MYCBP2: variants seen among roughly 807,000 people sequenced by gnomAD.
MYCBP2 encodes E3 ubiquitin-protein ligase MYCBP2.
A neutral mutation model predicts 525.3 loss-of-function variants in MYCBP2; 120 were observed. The observed-to-expected ratio is 0.23, with a 90% confidence interval of 0.20 to 0.27. The LOEUF is 0.27. Ranked by LOEUF, MYCBP2 falls within the 10% of genes least tolerant of loss-of-function variation. The pLI is 1.00. For missense variants in MYCBP2, 4,149 were observed against 5,657.1 expected, an observed-to-expected ratio of 0.73 and a Z score of 8.55; for synonymous variants, 1,894 against 1,955.8, an observed-to-expected ratio of 0.97 and a Z score of 0.83.
intron 26 of MYCBP2, among the ~76,000 whole-genome samples, chr13:77,203,529 G>A (rs1302244908): frequency 6.6e-6 from 1 of 151,854 alleles, no homozygotes; most frequent in Non-Finnish European, 1.5e-5. Context: ...TTTCTTCACA[G>A]AATTGGAAAA....
intron 18 of MYCBP2, 137 bp from the exon 19 acceptor site, chr13:77,225,691 G>T: frequency 9.2e-7 from 1 of 1,090,288 alleles, no homozygotes; most frequent in Non-Finnish European, 1.3e-6. Context: ...GCTGTTAGAA[G>T]TGATAGATCA....
At chr13:77,158,915 G>C (rs1210928111) in intron 44 of MYCBP2, among the ~76,000 whole-genome samples, 1 of 152,192 alleles carries the variant, frequency 6.6e-6, no homozygotes, top group Non-Finnish European at 1.5e-5. Flanking sequence ...AAGTTAAGAA[G>C]AAGAGGCAGA....
intron 32 of MYCBP2, among the ~76,000 whole-genome samples, chr13:77,182,830 G>A (rs2060338310): frequency 6.6e-6 from 1 of 152,194 alleles, no homozygotes; most frequent in African/African-American, 2.4e-5. Context: ...GATACCACGT[G>A]TCTTGTTTCC....
chr13:77,273,861 C>T (rs2075198838), intron 4 of MYCBP2, among the ~76,000 whole-genome samples, 193 bp from the exon 5 acceptor site: 2 of 152,112 alleles, frequency 1.3e-5, no homozygotes, highest in South Asian at 4.1e-4. Context: ...TCTTAAAGAA[C>T]ATTCAGTTCA....
intron 52 of MYCBP2, among the ~76,000 whole-genome samples, chr13:77,127,963 A>T (rs1423745848): frequency 6.6e-6 from 1 of 151,926 alleles, no homozygotes; most frequent in Non-Finnish European, 1.5e-5. Context: ...ATTTACTGTA[A>T]TTATATTTTA....
intron 20 of MYCBP2, among the ~76,000 whole-genome samples, chr13:77,221,161 A>T (rs996302420): frequency 2.0e-5 from 3 of 152,106 alleles, no homozygotes; most frequent in African/African-American, 7.2e-5. Context: ...AATCTTCATA[A>T]GAAACCCTGA....
Position 77,270,371 on chromosome 13 carries a change from A to G in MYCBP2, c.1113T>C (p.Asn371=). The G allele has an allele frequency of 6.2e-7, 1 of 1,613,718 alleles. No homozygotes were observed. The highest frequency in any genetic ancestry group is 8.5e-7 in the Non-Finnish European group (1 of 1,179,808). The change falls in exon 6 of 83, where the codon AAT becomes AAC. Residue 371 remains asparagine, a synonymous_variant. Coordinates refer to ENST00000544440, the MANE Select transcript of MYCBP2 (RefSeq NM_015057.5). The part of the protein sequence containing the change: ...VDEDDQCLLQ[N]DGFFLYLLCK... ...ATAATAGATAAAGAAAAAATCCATC[A>G]TTCTGAAGTAGACATTGGTCATCTT...
At position 77,058,034 on chromosome 13, in the gene MYCBP2, G is replaced by A. The variant is rs1046956983; in HGVS notation, c.13329+184C>T. Among the ~76,000 whole-genome samples, 5 of 151,982 alleles carry A rather than the reference G, an allele frequency of 3.3e-5. No homozygotes were observed. Among genetic ancestry groups the A allele is most frequent in the East Asian group, 1.9e-4 (1 of 5,184 alleles). The stretch of plus-strand genomic sequence containing the variant: ...TTTGTATTTTTGTAGTAGAGACGGG[G>A]TCTCACTGTGTTAGCCAGGATGGTC... On this transcript the variant is annotated intron_variant, in intron 78 of 82. Transcript: ENST00000544440. The surrounding 1 kb of genome is among the most constrained non-coding windows in gnomAD (Gnocchi z 4.1).
intron 71 of MYCBP2, 27 bp downstream of exon 71, chr13:77,067,554 G>A (rs1226789679): frequency 6.2e-7 from 1 of 1,605,406 alleles, no homozygotes; most frequent in South Asian, 1.1e-5. Flanking sequence ...ATTCTGTTTT[G>A]GTACTAAAAT....
intron 15 of MYCBP2, among the ~76,000 whole-genome samples, chr13:77,246,506 AAGGAGAAGG>A (rs1169274452): frequency 8.6e-5 from 13 of 151,396 alleles, no homozygotes; most frequent in African/African-American, 2.2e-4. Context: ...GAAGGAAAAG[AAGGAGAAGG>A]AGGAGAAGGA....
chr13:77,050,998 T>G lies in MYCBP2; in HGVS notation c.13920A>C (p.Ala4640=), dbSNP rs755696790. ...IPKEELPHCP[A]GPKGKQLEGT... is the part of the protein sequence containing the mutation. ...GATTTTAAAATATTAAAAGCATACCTGCAGGACAGTGTGGTAGTTCTTCCT... is the reference window on the plus strand; with the variant it reads ...GATTTTAAAATATTAAAAGCATACCGGCAGGACAGTGTGGTAGTTCTTCCT... Residue 4640 remains alanine (A), a splice_region_variant and synonymous_variant, in exon 82 of 83, where the codon GCA becomes GCC. Transcript: ENST00000544440. 8 of 1,609,798 alleles carry G rather than the reference T, an allele frequency of 5.0e-6. No homozygotes were observed. The Admixed American group carries it at 1.4e-4, about 27-fold the overall frequency.
chr13:77,106,470 T>C (rs2047869056), intron 55 of MYCBP2, among the ~76,000 whole-genome samples: 1 of 152,140 alleles, frequency 6.6e-6, no homozygotes, highest in East Asian at 1.9e-4. Flanking sequence ...TTCAGGAGGC[T>C]AGGCGTCTAA....
chr13:77,319,230 G>A (rs987417934), intron 1 of MYCBP2, among the ~76,000 whole-genome samples: 4 of 152,140 alleles, frequency 2.6e-5, no homozygotes, highest in African/African-American at 9.7e-5. Context: ...GTAGGCGAGA[G>A]AGGAGGAGCT....
chr13:77,103,441 T>C (rs2047379660), intron 55 of MYCBP2: 1 of 390,702 alleles, frequency 2.6e-6, no homozygotes, highest in East Asian at 3.6e-5. Context: ...TAGTTTATAT[T>C]CTGCTATATT....
Position 77,177,663 on chromosome 13 carries a change from G to C in MYCBP2, c.5340+85C>G, listed in dbSNP as rs190779751. The C allele has an allele frequency of 1.3e-4, 150 of 1,123,422 alleles. No homozygotes were observed. The East Asian group carries it at 3.8e-3, about 28-fold the overall frequency. 69.6% of individuals were successfully genotyped at this position (1,123,422 alleles called of 1,614,324 possible). ...GTGTCATTCATCAGTGATTGATCTA[G>C]TAAACCCCTGAACATACTATGACAA... On this transcript the variant is annotated intron_variant, in intron 35 of 82. Coordinates refer to ENST00000544440, the MANE Select transcript of MYCBP2 (RefSeq NM_015057.5).
In MYCBP2 at chr13:77,045,092, T is replaced by C. The variant is rs2154041135; in HGVS notation, c.*286A>G. 4.7e-6 allele frequency: 2 copies of C among 422,870 alleles called. No individual in the cohort carries two copies. Among genetic ancestry groups the C allele is most frequent in the Admixed American group, 4.0e-5 (1 of 25,038 alleles). 26.2% of individuals were successfully genotyped at this position (422,870 alleles called of 1,614,324 possible). ...TGGCGATTCTTTTATATCAATTATCTATAAATGTCCAATGCTTCACAGGCC... is the reference window on the plus strand; with the variant it reads ...TGGCGATTCTTTTATATCAATTATCCATAAATGTCCAATGCTTCACAGGCC... On this transcript the variant is annotated 3_prime_UTR_variant, in exon 83 of 83. Coordinates refer to ENST00000544440, the MANE Select transcript of MYCBP2 (RefSeq NM_015057.5).
rs78025576 is a variant in MYCBP2, at chr13:77,268,992, C to T, written c.1260+1000G>A. ...CTTATACAAAGGAACTTGGGCTTCACTGTTCAGGTAGGTACTGTATGGAAA... is the reference window on the plus strand; with the variant it reads ...CTTATACAAAGGAACTTGGGCTTCATTGTTCAGGTAGGTACTGTATGGAAA... On this transcript the variant is annotated intron_variant, in intron 7 of 82. Transcript: ENST00000544440. Among the ~76,000 whole-genome samples, 420 of 152,296 alleles carry T rather than the reference C, an allele frequency of 2.8e-3. 1 individual carries two copies. The highest frequency in any genetic ancestry group is 4.8e-3 in the Admixed American group (73 of 15,302).
chr13:77,179,093 C>T (rs560247029), intron 34 of MYCBP2, among the ~76,000 whole-genome samples: 8 of 152,058 alleles, frequency 5.3e-5, no homozygotes, highest in Non-Finnish European at 7.4e-5. Flanking sequence ...GAATTTCTTA[C>T]GTATGAATTT....
rs112428785 is a variant in MYCBP2, at chr13:77,169,752, G to A, written c.5795-38C>T. 2,012 of 1,524,934 alleles carry A rather than the reference G, an allele frequency of 1.3e-3. 22 individuals carry two copies. The African/African-American group carries it at 0.024, about 18-fold the overall frequency. The allele number at this position is 1,524,934 out of a possible 1,614,324, so 94.5% of individuals were successfully genotyped here. A position where few individuals can be genotyped will look rare whatever the true frequency, so the allele number is the denominator to read the frequency against. The stretch of plus-strand genomic sequence containing the variant: ...ATAAAAGGCATTAAAACTATAGTCA[G>A]AAGGTAATTTCATTGTACTGCATAC... On this transcript the variant is annotated intron_variant, in intron 38 of 82. Transcript: ENST00000544440.
Sources: gnomAD v4.1 joint callset for allele counts (sites outside exome capture counted in the v4.1 genomes callset) on GRCh38, gnomAD v4.1.1 for gene constraint, Gnocchi (gnomAD v3.1) non-coding constraint, MANE v1.5 for transcripts, NCBI Gene and HGNC (gene_info 2026-07-23, HGNC 2026-07-21) for gene names.